The following RAB11FIP4 variants were observed in gnomAD, a reference collection of about 807,000 sequenced individuals.
The protein encoded by RAB11FIP4 is RAB11 family interacting protein 4.
In RAB11FIP4, 23 loss-of-function variants were observed where a neutral mutation model predicts 74.3. That is an observed-to-expected ratio of 0.31 (90% confidence interval 0.22 to 0.44). RAB11FIP4 has a LOEUF of 0.44. RAB11FIP4 is among the 20% of genes least tolerant of loss of function. The probability of loss-of-function intolerance (pLI) is 1.00; values close to 1 mark genes in which losing one functional copy is unlikely to be tolerated. For missense variants in RAB11FIP4, 630 were observed against 863.9 expected (o/e 0.73, Z 3.39); for synonymous variants, 360 against 359.9 (o/e 1.00, Z 0.00).
chr17:31,472,395 C>A (rs938361638), intron 3 of RAB11FIP4, among the ~76,000 whole-genome samples: 2 of 152,130 alleles, frequency 1.3e-5, no homozygotes, highest in African/African-American at 4.8e-5. Flanking sequence ...GGGCCTTACG[C>A]GCTGAGTCAT....
intron 1 of RAB11FIP4, among the ~76,000 whole-genome samples, chr17:31,419,268 CTTTG>C: frequency 6.8e-6 from 1 of 146,664 alleles, no homozygotes; most frequent in South Asian, 2.1e-4. Context: ...TATATTTCTA[CTTTG>C]TTGAGAGTTT....
chr17:31,503,917 A>G (rs2072268509), intron 3 of RAB11FIP4, among the ~76,000 whole-genome samples: 1 of 149,752 alleles, frequency 6.7e-6, no homozygotes, highest in Non-Finnish European at 1.5e-5. Flanking sequence ...TTTCTGTTAT[A>G]TGTAATTTAT....
chr17:31,417,201 C>A (rs1317007643), intron 1 of RAB11FIP4, among the ~76,000 whole-genome samples: 3 of 152,164 alleles, frequency 2.0e-5, no homozygotes, highest in Non-Finnish European at 4.4e-5. Flanking sequence ...ACCCCAGTGT[C>A]CTCACAGGTG....
At chr17:31,407,100 G>A (rs1293137859) in intron 1 of RAB11FIP4, among the ~76,000 whole-genome samples, 1 of 128,728 alleles carries the variant, frequency 7.8e-6, no homozygotes, top group Non-Finnish European at 1.6e-5. Flanking sequence ...CACCCAGACT[G>A]GAGTACAGTG....
At chr17:31,426,853 G>T (rs1032614412) in intron 1 of RAB11FIP4, among the ~76,000 whole-genome samples, 1 of 152,002 alleles carries the variant, frequency 6.6e-6, no homozygotes, top group Non-Finnish European at 1.5e-5. Context: ...GCCCACCTTG[G>T]CCTCCCAAAG....
At position 31,530,480 on chromosome 17, in the gene RAB11FIP4, C is replaced by CA; in HGVS notation, c.1797+12dup. 6.2e-7 allele frequency: 1 copy of CA among 1,606,490 alleles called. No individual in the cohort carries two copies. The highest frequency in any genetic ancestry group is 8.5e-7 in the Non-Finnish European group (1 of 1,174,124). On this transcript the variant is annotated intron_variant, in intron 14 of 14. Coordinates refer to ENST00000621161, the MANE Select transcript of RAB11FIP4 (RefSeq NM_032932.6). ...GCCTCGCGCGATGAGGTAACCACACCACCGGCTCTTGCTTTGGGGCCTGGC... is the reference window on the plus strand; with the variant it reads ...GCCTCGCGCGATGAGGTAACCACACCAACCGGCTCTTGCTTTGGGGCCTGGC...
At chr17:31,408,312 A>G (rs78426200) in intron 1 of RAB11FIP4, among the ~76,000 whole-genome samples, 10,100 of 152,284 alleles carry the variant, frequency 0.066, 433 homozygotes, top group Non-Finnish European at 0.092. Context: ...CATTCAGTCT[A>G]TTAGATTAGA....
intron 3 of RAB11FIP4, among the ~76,000 whole-genome samples, chr17:31,442,454 C>T (rs1470118506): frequency 6.6e-6 from 1 of 152,170 alleles, no homozygotes; most frequent in Admixed American, 6.5e-5. Context: ...AATCTAGGAG[C>T]TTGTTATTGT....
intron 2 of RAB11FIP4, among the ~76,000 whole-genome samples, chr17:31,433,019 G>A (rs2071325099): frequency 6.6e-6 from 1 of 152,154 alleles, no homozygotes; most frequent in Non-Finnish European, 1.5e-5. Flanking sequence ...TCTGGTGTGT[G>A]CCTGTGGTCC....
intron 11 of RAB11FIP4, 88 bp from the exon 12 acceptor site, chr17:31,528,318 A>G: frequency 6.8e-7 from 1 of 1,462,576 alleles, no homozygotes; most frequent in South Asian, 1.3e-5. Context: ...CCTCGTGAAG[A>G]TGGCTGACCA....
intron 3 of RAB11FIP4, among the ~76,000 whole-genome samples, chr17:31,476,160 G>T (rs2071789896): frequency 7.3e-6 from 1 of 136,102 alleles, no homozygotes; most frequent in South Asian, 2.4e-4. Context: ...CAAATAATGA[G>T]AATCGACTGA....
At position 31,517,788 on chromosome 17, in the gene RAB11FIP4, C is replaced by T; in HGVS notation, c.474C>T (p.Pro158=). ...CCCAGGAGTTGTACACAGACAGCCC[C>T]ATGGAGAGCACTCAGAGCCTGGAGG... ...EGPQELYTDS[P]MESTQSLEGS... The change falls in exon 4 of 15, where the codon CCC becomes CCT. Residue 158 remains proline, a synonymous_variant. Transcript: ENST00000621161. 6.4e-7 allele frequency: 1 copy of T among 1,558,592 alleles called. No individual in the cohort carries two copies. Among genetic ancestry groups the T allele is most frequent in the Non-Finnish European group, 8.7e-7 (1 of 1,150,622 alleles).
chr17:31,504,925 T>C (rs1415349566), intron 3 of RAB11FIP4, among the ~76,000 whole-genome samples: 2 of 152,202 alleles, frequency 1.3e-5, no homozygotes, highest in Admixed American at 6.5e-5. Context: ...ATGCGTTTTC[T>C]TCCAGCCTGC....
At chr17:31,404,981 A>T (rs1054424291) in intron 1 of RAB11FIP4, among the ~76,000 whole-genome samples, 1 of 152,144 alleles carries the variant, frequency 6.6e-6, no homozygotes, top group Non-Finnish European at 1.5e-5. Flanking sequence ...CTGACCAGGC[A>T]GGCTGGAGGC....
At chr17:31,452,519 C>T (rs1476317947) in intron 3 of RAB11FIP4, among the ~76,000 whole-genome samples, 1 of 152,166 alleles carries the variant, frequency 6.6e-6, no homozygotes, top group Non-Finnish European at 1.5e-5. Flanking sequence ...GGTTCACAGG[C>T]CTGGGTCTGC....
chr17:31,456,054 A>G (rs2071576175), intron 3 of RAB11FIP4, among the ~76,000 whole-genome samples: 1 of 152,136 alleles, frequency 6.6e-6, no homozygotes, highest in Non-Finnish European at 1.5e-5. Flanking sequence ...TCCTAATACC[A>G]AGTTCCGTGT....
chr17:31,470,247 C>T (rs565098364), intron 3 of RAB11FIP4, among the ~76,000 whole-genome samples: 4 of 152,302 alleles, frequency 2.6e-5, no homozygotes, highest in African/African-American at 9.6e-5. Context: ...ACAGGAAGCC[C>T]TCCTGTGGTC....
chr17:31,470,853 G>T (rs1418812354), intron 3 of RAB11FIP4, among the ~76,000 whole-genome samples: 1 of 152,196 alleles, frequency 6.6e-6, no homozygotes, highest in Non-Finnish European at 1.5e-5. Flanking sequence ...CTGAGTCATG[G>T]CACTCATCAT....
intron 3 of RAB11FIP4, 145 bp downstream of exon 3, chr17:31,434,267 G>A (rs1385517643): frequency 1.5e-6 from 1 of 688,884 alleles, no homozygotes; most frequent in African/African-American, 1.8e-5. Flanking sequence ...AATAGTTTTT[G>A]GAACAGGAGC....
Sources: allele counts gnomAD v4.1 joint callset (sites outside exome capture counted in the v4.1 genomes callset), GRCh38; gene constraint gnomAD v4.1.1; transcripts MANE v1.5; gene names NCBI Gene and HGNC (gene_info 2026-07-23, HGNC 2026-07-21).